The following PDZD2 variants were observed in gnomAD, a reference collection of about 807,000 sequenced individuals.
The protein encoded by PDZD2 is PDZ domain containing 2, also known as PDZ domain-containing protein 2.
Under a neutral mutation model 220.7 loss-of-function variants are expected in PDZD2, and 90 were observed. The ratio of observed to expected loss-of-function variants is 0.41; its 90% CI spans 0.34 to 0.49. PDZD2 has a LOEUF of 0.49. Ranked by LOEUF, PDZD2 falls within the 20% of genes least tolerant of loss-of-function variation. PDZD2 has a pLI of 0.28. For missense variants in PDZD2, 3,174 were observed against 3,608.5 expected (o/e 0.88, Z 3.08); for synonymous variants, 1,375 against 1,450.5 (o/e 0.95, Z 1.18).
At chr5:31,757,098 A>G (rs1751345614) in intron 1 of PDZD2, among the ~76,000 whole-genome samples, 1 of 152,074 alleles carries the variant, frequency 6.6e-6, no homozygotes, top group Non-Finnish European at 1.5e-5. Flanking sequence ...AGTCTAAGCA[A>G]CATAGCAAGA....
intron 6 of PDZD2, among the ~76,000 whole-genome samples, chr5:32,036,935 C>T (rs1315034993): frequency 6.6e-6 from 1 of 152,174 alleles, no homozygotes; most frequent in Non-Finnish European, 1.5e-5. Flanking sequence ...GGATGGAAGA[C>T]GAAGTGGCCC....
At position 31,663,064 on chromosome 5, in the gene PDZD2, C is replaced by G. The variant is rs1045382845; in HGVS notation, c.-361+23627C>G. 1.8e-4 allele frequency among the ~76,000 whole-genome samples: 27 copies of G among 152,350 alleles called. No individual in the cohort carries two copies. The Middle Eastern group carries it at 0.01, about 58-fold the overall frequency. On this transcript the variant is annotated intron_variant, in intron 1 of 24. Transcript: ENST00000438447. ...GAAAACAATCATCCCTTTCCTGCCC[C>G]TCACTACTAAAGATCCATTCACGTC...
chr5:31,741,394 A>AT (rs1018944152), intron 1 of PDZD2, among the ~76,000 whole-genome samples: 20 of 150,888 alleles, frequency 1.3e-4, no homozygotes, highest in Admixed American at 6.6e-4. Flanking sequence ...TCCTCCCAGA[A>AT]TTTTTTTTTA....
intron 1 of PDZD2, among the ~76,000 whole-genome samples, chr5:31,689,351 A>ATTTTTTT (rs1288275783): frequency 1.8e-4 from 5 of 28,186 alleles, no homozygotes; most frequent in African/African-American, 5.9e-4. Context: ...ATATATATAT[A>ATTTTTTT]TATTTTTTTT....
chr5:31,908,462 G>T, intron 2 of PDZD2: 1 of 823,220 alleles, frequency 1.2e-6, no homozygotes, highest in Non-Finnish European at 1.9e-6. Context: ...AAGATGGTCT[G>T]TAGGAGAGAG....
At chr5:31,896,995 A>G (rs1452085641) in intron 2 of PDZD2, among the ~76,000 whole-genome samples, 2 of 152,188 alleles carry the variant, frequency 1.3e-5, no homozygotes, top group African/African-American at 4.8e-5. Context: ...AATACTTTAC[A>G]GCTGAAAGCG....
At chr5:31,880,155 C>T (rs1460081369) in intron 2 of PDZD2, among the ~76,000 whole-genome samples, 2 of 152,122 alleles carry the variant, frequency 1.3e-5, no homozygotes, top group Non-Finnish European at 2.9e-5. Context: ...AACTCCTCAC[C>T]TCGTGATCCA....
At chr5:32,026,557 G>GCACACA (rs139271161) in intron 6 of PDZD2, among the ~76,000 whole-genome samples, 1 of 150,932 alleles carries the variant, frequency 6.6e-6, no homozygotes, top group Non-Finnish European at 1.5e-5. Flanking sequence ...GTGCACGCAC[G>GCACACA]CACACACACA....
intron 2 of PDZD2, among the ~76,000 whole-genome samples, chr5:31,890,024 C>T (rs1339003674): frequency 6.6e-6 from 1 of 150,898 alleles, no homozygotes; most frequent in Admixed American, 6.6e-5. Flanking sequence ...CACTGTCCCC[C>T]CTCCAAAAGC....
At chr5:31,888,912 G>A (rs1199180192) in intron 2 of PDZD2, among the ~76,000 whole-genome samples, 1 of 152,130 alleles carries the variant, frequency 6.6e-6, no homozygotes, top group Non-Finnish European at 1.5e-5. Context: ...GAATGGAAAT[G>A]TTCCCAGTCA....
At chr5:32,074,728 A>G in intron 18 of PDZD2, 85 bp downstream of exon 18, 1 of 844,142 alleles carries the variant, frequency 1.2e-6, no homozygotes. Context: ...AGCATGGGTA[A>G]GCTGCCAGTG....
At chr5:31,883,528 T>C (rs1007592705) in intron 2 of PDZD2, among the ~76,000 whole-genome samples, 4 of 152,076 alleles carry the variant, frequency 2.6e-5, no homozygotes, top group African/African-American at 9.7e-5. Flanking sequence ...GCCAGCATGC[T>C]ACTTTTTCTT....
intron 1 of PDZD2, among the ~76,000 whole-genome samples, chr5:31,663,928 C>T (rs890317671): frequency 3.3e-5 from 5 of 152,076 alleles, no homozygotes; most frequent in South Asian, 4.2e-4. Context: ...AGTGTGATGG[C>T]GTATGGCAAA....
At chr5:32,058,582 G>C (rs1311647544) in intron 12 of PDZD2, among the ~76,000 whole-genome samples, 1 of 149,612 alleles carries the variant, frequency 6.7e-6, no homozygotes, top group Non-Finnish European at 1.5e-5. Flanking sequence ...GCTGAGGCAA[G>C]ACAATCGCTC....
At chr5:31,951,130 C>T (rs1328653862) in intron 2 of PDZD2, among the ~76,000 whole-genome samples, 1 of 152,124 alleles carries the variant, frequency 6.6e-6, no homozygotes, top group African/African-American at 2.4e-5. Flanking sequence ...GCAGTGGCGC[C>T]ATCACAGCTC....
intron 2 of PDZD2, among the ~76,000 whole-genome samples, chr5:31,906,994 G>A (rs1742718969): frequency 1.3e-5 from 2 of 152,212 alleles, no homozygotes; most frequent in Admixed American, 6.5e-5. Flanking sequence ...CTAATTCTGG[G>A]TAGAATGCTT....
At chr5:31,807,450 C>G (rs17507380) in intron 2 of PDZD2, among the ~76,000 whole-genome samples, 1 of 152,020 alleles carries the variant, frequency 6.6e-6, no homozygotes, top group Non-Finnish European at 1.5e-5. Context: ...CACATGGTAG[C>G]TGTTCAGCCA....
chr5:31,730,554 TTGTGTGTGTG>T (rs35119904), intron 1 of PDZD2, among the ~76,000 whole-genome samples: 5 of 140,420 alleles, frequency 3.6e-5, no homozygotes, highest in Admixed American at 2.9e-4. Context: ...CACCAGGAGT[TTGTGTGTGTG>T]TGTGTGTGTG....
intron 1 of PDZD2, among the ~76,000 whole-genome samples, chr5:31,673,579 C>T (rs1181658497): frequency 1.3e-5 from 2 of 152,140 alleles, no homozygotes; most frequent in East Asian, 3.9e-4. Flanking sequence ...TATGTTGGAA[C>T]CTCAGTCATC....
Sources: gnomAD v4.1 joint callset for allele counts (sites outside exome capture counted in the v4.1 genomes callset) on GRCh38, gnomAD v4.1.1 for gene constraint, MANE v1.5 for transcripts, NCBI Gene and HGNC (gene_info 2026-07-23, HGNC 2026-07-21) for gene names.